The following ZNF469 variants were observed in gnomAD, a reference collection of about 807,000 sequenced individuals.
ZNF469 encodes the protein zinc finger protein 469.
A neutral mutation model predicts 1.0 loss-of-function variants in ZNF469; 1 was observed. That is an observed-to-expected ratio of 1.00 (90% CI 0.35 to 4.73). The LOEUF (loss-of-function observed/expected upper bound fraction) is 4.73. ZNF469 is among the 30% of genes most tolerant of loss of function. The pLI, the probability that ZNF469 is intolerant of heterozygous loss-of-function variation, is 0.16. For synonymous variants in ZNF469, 2,703 were observed against 2,363.4 expected (o/e 1.14, Z -4.17); for missense variants, 6,100 against 5,356.3 (o/e 1.14, Z -4.33).
At position 88,433,177 on chromosome 16, in the gene ZNF469, C is replaced by T. The variant is rs757657013; in HGVS notation, c.5707C>T (p.Arg1903Cys). The T allele has an allele frequency of 1.2e-4, 191 of 1,550,222 alleles. No homozygotes were observed. The highest frequency in any genetic ancestry group is 2.0e-4 in the East Asian group (8 of 40,918). The change falls in exon 3 of 3, where the codon CGT (arginine) becomes TGT (cysteine). Residue 1903 changes from arginine to cysteine, a missense_variant. By Grantham distance (180) the Arg-to-Cys change is radical. Coordinates refer to ENST00000565624, the MANE Select transcript of ZNF469 (RefSeq NM_001367624.2). ...GGACCCAGCTTTGAGCCCCCCCATA[C>T]GTCAGCTCCAGCTCCCAGGGCCTGG... ...SQDPALSPPI[R>C]QLQLPGPGVA... is the part of the protein sequence containing the mutation.
chr16:88,281,072 G>A, the ZNF469 span, among the ~76,000 whole-genome samples: 9 of 151,488 alleles, frequency 5.9e-5, no homozygotes, highest in South Asian at 2.1e-4. Context: ...TGGCTCACAG[G>A]TTAGTGCTGT....
At chr16:88,408,141 CT>C (rs1478921608) in intron 1 of ZNF469, among the ~76,000 whole-genome samples, 1 of 152,050 alleles carries the variant, frequency 6.6e-6, no homozygotes, top group African/African-American at 2.4e-5. Context: ...CCCCTTAGTA[CT>C]TTTTTTTGTT....
At chr16:88,259,647 C>T in the ZNF469 span, among the ~76,000 whole-genome samples, 2 of 152,202 alleles carry the variant, frequency 1.3e-5, no homozygotes, top group African/African-American at 2.4e-5. This position sits in a 1 kb window ranked among gnomAD's most constrained non-coding sequence, Gnocchi z 4.1. Flanking sequence ...CACCCCCAGG[C>T]ACCGCGCTCT....
rs2092529634 is a variant in ZNF469, at chr16:88,383,135, C to T, written c.-311C>T. Among the ~76,000 whole-genome samples the T allele has an allele frequency of 6.8e-6, 1 of 147,976 alleles. No homozygotes were observed. The highest frequency in any genetic ancestry group is 1.5e-5 in the Non-Finnish European group (1 of 66,604). The stretch of plus-strand genomic sequence containing the variant: ...GCTCGGTGCCCGGCGGGCGGGCGGC[C>T]CGGGCGGGCCTGCGGTCGGGATGAG... On this transcript the variant is annotated 5_prime_UTR_variant, in exon 1 of 3. Transcript: ENST00000565624.
the ZNF469 span, among the ~76,000 whole-genome samples, chr16:88,236,089 C>T: frequency 6.6e-6 from 1 of 152,212 alleles, no homozygotes; most frequent in Admixed American, 6.5e-5. Context: ...AGTTCGTATT[C>T]TGTAGAAGAA....
the ZNF469 span, chr16:88,234,887 G>A: frequency 2.0e-5 from 3 of 152,118 alleles, no homozygotes; most frequent in African/African-American, 7.2e-5. Context: ...AGGAAAACAG[G>A]AATTCACGCA....
the ZNF469 span, among the ~76,000 whole-genome samples, chr16:88,181,383 T>C: frequency 6.6e-6 from 1 of 152,210 alleles, no homozygotes; most frequent in African/African-American, 2.4e-5. Context: ...ATACACACTT[T>C]TTTACAAATG....
At position 88,439,706 on chromosome 16, in the gene ZNF469, C is replaced by G. The variant is rs1214481450; in HGVS notation, c.*374C>G. 3.3e-6 allele frequency: 1 copy of G among 300,376 alleles called. No homozygotes were observed. Among genetic ancestry groups the G allele is most frequent in the East Asian group, 8.7e-5 (1 of 11,514 alleles). 18.6% of individuals were successfully genotyped at this position (300,376 alleles called of 1,614,324 possible). A position where few individuals can be genotyped will look rare whatever the true frequency, so the allele number is the denominator to read the frequency against. On this transcript the variant is annotated 3_prime_UTR_variant, in exon 3 of 3. Coordinates refer to ENST00000565624, the MANE Select transcript of ZNF469 (RefSeq NM_001367624.2). Reference sequence around the variant, plus strand: ...AGATTTGCACAACCTCCCGTTCCCCCACATGGAGAAGGGAAGTAAGTTGAG... The same window carrying G: ...AGATTTGCACAACCTCCCGTTCCCCGACATGGAGAAGGGAAGTAAGTTGAG...
At chr16:88,273,022 A>G in the ZNF469 span, among the ~76,000 whole-genome samples, 115 of 151,150 alleles carry the variant, frequency 7.6e-4, no homozygotes, top group African/African-American at 2.8e-3. Context: ...GGACGGATGG[A>G]TGAATGGGTG....
At chr16:88,262,088 G>C in the ZNF469 span, among the ~76,000 whole-genome samples, 1 of 152,208 alleles carries the variant, frequency 6.6e-6, no homozygotes, top group African/African-American at 2.4e-5. This position sits in a 1 kb window ranked among gnomAD's most constrained non-coding sequence, Gnocchi z 4.3. Flanking sequence ...TGAGCTGCAG[G>C]CTGCACCGAC....
At chr16:88,418,846 G>A (rs947031281) in intron 1 of ZNF469, among the ~76,000 whole-genome samples, 3 of 152,224 alleles carry the variant, frequency 2.0e-5, no homozygotes, top group Non-Finnish European at 4.4e-5. Flanking sequence ...AAGCGGCAGC[G>A]TTTGAAGCAA....
At chr16:88,395,017 A>G (rs968384284) in intron 1 of ZNF469, among the ~76,000 whole-genome samples, 2 of 152,150 alleles carry the variant, frequency 1.3e-5, no homozygotes, top group African/African-American at 2.4e-5. Context: ...CTTTGCTGCC[A>G]TGTCTTGGCC....
At chr16:88,233,251 T>G in the ZNF469 span, among the ~76,000 whole-genome samples, 7 of 152,172 alleles carry the variant, frequency 4.6e-5, no homozygotes, top group Non-Finnish European at 1.0e-4. Context: ...GCCAGGTTCT[T>G]TGTGTGTGTA....
At position 88,400,906 on chromosome 16, in the gene ZNF469, G is replaced by A. The variant is rs147650456; in HGVS notation, c.-192+17652G>A. Among the ~76,000 whole-genome samples the A allele has an allele frequency of 1.7e-3, 257 of 152,116 alleles. 2 individuals are homozygous for A. The highest frequency in any genetic ancestry group is 5.8e-3 in the African/African-American group (241 of 41,492). ...AGCAGAGGGCCAGGGGGTGGCGGGG[G>A]CAGGAGATGGAGGGGCCCAGAAACA... On this transcript the variant is annotated intron_variant, in intron 1 of 2. Coordinates refer to ENST00000565624, the MANE Select transcript of ZNF469 (RefSeq NM_001367624.2).
the ZNF469 span, among the ~76,000 whole-genome samples, chr16:88,292,169 G>T: frequency 6.6e-6 from 1 of 152,188 alleles, no homozygotes. Flanking sequence ...AGCCAGAAGG[G>T]GCCCTGGAGT....
At chr16:88,328,337 A>G in the ZNF469 span, among the ~76,000 whole-genome samples, 81 of 152,158 alleles carry the variant, frequency 5.3e-4, no homozygotes, top group African/African-American at 1.9e-3. Context: ...GAACCATATG[A>G]CGGCTCCCAG....
At chr16:88,249,630 A>G in the ZNF469 span, among the ~76,000 whole-genome samples, 34 of 150,660 alleles carry the variant, frequency 2.3e-4, no homozygotes, top group Admixed American at 6.6e-4. Flanking sequence ...TAGAGACGGG[A>G]TTTCACCGTG....
At chr16:88,143,109 G>A in the ZNF469 span, among the ~76,000 whole-genome samples, 2 of 152,100 alleles carry the variant, frequency 1.3e-5, no homozygotes, top group Admixed American at 6.5e-5. Flanking sequence ...AGCACTCACC[G>A]AATCCTCACC....
chr16:88,438,608 G>A lies in ZNF469; in HGVS notation c.11138G>A (p.Arg3713His), dbSNP rs1034026975. The A allele has an allele frequency of 1.1e-5, 17 of 1,549,950 alleles. 1 individual carries two copies. The highest frequency in any genetic ancestry group is 5.9e-5 in the Admixed American group (3 of 50,980). ...VGSLAPGELA[R>H]GTENGMKPAT... ...AGCCTGGCACCCGGGGAGCTGGCCC[G>A]TGGCACAGAGAATGGGATGAAGCCC... is the stretch of plus-strand genomic sequence containing the variant. The change falls in exon 3 of 3, where the codon CGT (arginine) becomes CAT (histidine). Residue 3713 changes from arginine to histidine, a missense_variant. Transcript: ENST00000565624.
Sources: allele counts gnomAD v4.1 joint callset (sites outside exome capture counted in the v4.1 genomes callset), GRCh38; gene constraint gnomAD v4.1.1; non-coding constraint Gnocchi (gnomAD v3.1); transcripts MANE v1.5; gene names NCBI Gene and HGNC (gene_info 2026-07-23, HGNC 2026-07-21).